Variants in ATPSCKMT observed in about 807,000 individuals in gnomAD.
ATPSCKMT encodes the protein ATP synthase subunit C lysine N-methyltransferase.
Under a neutral mutation model 24.3 loss-of-function variants are expected in ATPSCKMT, and 24 were observed. The ratio of observed to expected loss-of-function variants is 0.99; its 90% CI spans 0.71 to 1.39. The LOEUF (loss-of-function observed/expected upper bound fraction) is 1.39. Among genes scored for constraint, ATPSCKMT ranks in the 40% most tolerant of loss-of-function variants. The pLI, the probability that ATPSCKMT is intolerant of heterozygous loss-of-function variation, is 0.00. For missense variants in ATPSCKMT, 311 were observed against 298.4 expected, an observed-to-expected ratio of 1.04 and a Z score of -0.31; for synonymous variants, 95 against 110.5, an observed-to-expected ratio of 0.86 and a Z score of 0.88.
chr5:10,249,173 G>A (rs189953220), intron 1 of ATPSCKMT, among the ~76,000 whole-genome samples: 256 of 151,396 alleles, frequency 1.7e-3, no homozygotes, highest in Non-Finnish European at 1.5e-3. Context: ...GGAGGCTGAG[G>A]CACGAGAATC....
At chr5:10,234,297 C>T (rs1744279235) in intron 4 of ATPSCKMT, among the ~76,000 whole-genome samples, 1 of 151,992 alleles carries the variant, frequency 6.6e-6, no homozygotes, top group African/African-American at 2.4e-5. Flanking sequence ...CACTGCACTC[C>T]AGCCTGGGCA....
intron 4 of ATPSCKMT, among the ~76,000 whole-genome samples, chr5:10,228,402 C>T (rs2126416370): frequency 6.6e-6 from 1 of 152,154 alleles, no homozygotes; most frequent in East Asian, 1.9e-4. Context: ...TCTTGATAGC[C>T]TAACTTATAC....
At chr5:10,239,870 G>T (rs146059817) in intron 1 of ATPSCKMT, among the ~76,000 whole-genome samples, 1 of 152,052 alleles carries the variant, frequency 6.6e-6, no homozygotes, top group Non-Finnish European at 1.5e-5. Context: ...ACAAAAATCA[G>T]GTTTTACCAA....
At chr5:10,241,223 T>G (rs1331476556) in intron 1 of ATPSCKMT, among the ~76,000 whole-genome samples, 1 of 152,126 alleles carries the variant, frequency 6.6e-6, no homozygotes, top group Non-Finnish European at 1.5e-5. Context: ...TGGCTCCCTC[T>G]TAATTTATAG....
At chr5:10,230,149 A>G (rs1367463930) in intron 4 of ATPSCKMT, among the ~76,000 whole-genome samples, 4 of 152,240 alleles carry the variant, frequency 2.6e-5, no homozygotes, top group Non-Finnish European at 5.9e-5. Flanking sequence ...AAACTTCTAC[A>G]TGACCTACAG....
At chr5:10,236,858 T>C in intron 2 of ATPSCKMT, 4 of 1,459,858 alleles carry the variant, frequency 2.7e-6, no homozygotes, top group Non-Finnish European at 3.6e-6. Context: ...AGAATAGACA[T>C]TCAGGTTCAC....
intron 3 of ATPSCKMT, 32 bp downstream of exon 3, chr5:10,236,446 A>T (rs1233759979): frequency 6.3e-7 from 1 of 1,580,374 alleles, no homozygotes; most frequent in East Asian, 2.3e-5. Context: ...TTTCCCTTGG[A>T]TTTCTCTAGG....
chr5:10,233,069 T>A (rs1744222674), intron 4 of ATPSCKMT, among the ~76,000 whole-genome samples: 1 of 152,170 alleles, frequency 6.6e-6, no homozygotes, highest in Non-Finnish European at 1.5e-5. Flanking sequence ...TTAGGGATCA[T>A]CAGTCTGGTA....
At chr5:10,244,677 C>T (rs1308163758) in intron 1 of ATPSCKMT, among the ~76,000 whole-genome samples, 2 of 151,912 alleles carry the variant, frequency 1.3e-5, no homozygotes, top group South Asian at 2.1e-4. Context: ...TTTGGAAGGC[C>T]GAGGCAGGAG....
At chr5:10,249,677 CGGCGCGG>C in intron 1 of ATPSCKMT, 174 bp downstream of exon 1, 1 of 991,600 alleles carries the variant, frequency 1.0e-6, no homozygotes, top group Non-Finnish European at 1.4e-6. Flanking sequence ...TCGCCAGAAC[CGGCGCGG>C]GCACCGCGCG....
In ATPSCKMT at chr5:10,227,535, A is replaced by T. The variant is rs1029199243; in HGVS notation, c.608T>A (p.Ile203Lys). Residue 203 changes from isoleucine (I) to lysine (K), a missense_variant, in exon 5 of 5, where the codon ATA becomes AAA. Physicochemically the swap from Ile to Lys is moderately radical, Grantham distance 102. Transcript: ENST00000511437. Reference protein sequence around the residue: ...WTPDHVTGEGIDTVWAYDAST... With the variant: ...WTPDHVTGEGKDTVWAYDAST... ...TGCATCATATGCCCACACTGTGTCT[A>T]TCCCCTCCCCCGTGACGTGGTCTGG... The T allele has an allele frequency of 6.2e-7, 1 of 1,614,016 alleles. No individual in the cohort carries two copies. Among genetic ancestry groups the T allele is most frequent in the African/African-American group, 1.3e-5 (1 of 74,898 alleles).
At position 10,230,118 on chromosome 5, in the gene ATPSCKMT, C is replaced by T. The variant is rs1156979644; in HGVS notation, c.496-2471G>A. On this transcript the variant is annotated intron_variant, in intron 4 of 4. Coordinates refer to ENST00000511437, the MANE Select transcript of ATPSCKMT (RefSeq NM_199133.4). ...TGATGGTTTTATTCCTGGCCTATAT[C>T]TTATAACCAAGTGCTCAGAAAAACT... Among the ~76,000 whole-genome samples the T allele has an allele frequency of 4.5e-5, 6 of 133,784 alleles. No homozygotes were observed. In the East Asian group the frequency reaches 1.5e-3, roughly 34 times the overall value. 87.8% of individuals were successfully genotyped at this position (133,784 alleles called of 152,430 possible). A position where few individuals can be genotyped will look rare whatever the true frequency, so the allele number is the denominator to read the frequency against.
rs1340428425 is a variant in ATPSCKMT at position 10,225,663 on chromosome 5, A to G, written c.*1778T>C. On this transcript the variant is annotated 3_prime_UTR_variant, in exon 5 of 5. Transcript: ENST00000511437. ...TTACTCACTATCATGAGAACAGCAC[A>G]GGAAAGACCTGCCCCCATAATTCAA... is the stretch of plus-strand genomic sequence containing the variant. Among the ~76,000 whole-genome samples the G allele has an allele frequency of 6.6e-6, 1 of 152,164 alleles. No individual in the cohort carries two copies. Among genetic ancestry groups the G allele is most frequent in the Non-Finnish European group, 1.5e-5 (1 of 68,020 alleles).
rs201606826 is a variant in ATPSCKMT, at chr5:10,227,561, A to G, written c.582T>C (p.Thr194=). The G allele has an allele frequency of 6.8e-6, 11 of 1,614,186 alleles. No individual in the cohort carries two copies. The highest frequency in any genetic ancestry group is 8.5e-6 in the Non-Finnish European group (10 of 1,180,036). The change falls in exon 5 of 5, where the codon ACT becomes ACC. Residue 194 remains threonine, a synonymous_variant. Coordinates refer to ENST00000511437, the MANE Select transcript of ATPSCKMT (RefSeq NM_199133.4). ...TCCCCTCCCCCGTGACGTGGTCTGG[A>G]GTCCAATGTGGGAAAGGGAACCGGC... ...IACRFPFPHW[T]PDHVTGEGID... is the part of the protein sequence containing the mutation.
intron 2 of ATPSCKMT, 127 bp downstream of exon 2, chr5:10,238,940 C>T: frequency 8.4e-7 from 1 of 1,197,342 alleles, no homozygotes; most frequent in Non-Finnish European, 1.2e-6. Context: ...GTCAAACAAA[C>T]ATAAAATGAA....
intron 3 of ATPSCKMT, 133 bp from the exon 4 acceptor site, chr5:10,235,394 C>T (rs575240152): frequency 1.3e-5 from 9 of 694,040 alleles, no homozygotes; most frequent in South Asian, 3.4e-5. Flanking sequence ...CTAAGAACAG[C>T]GGCCCTCCTT....
intron 1 of ATPSCKMT, among the ~76,000 whole-genome samples, chr5:10,245,899 G>A (rs181268808): frequency 7.2e-5 from 11 of 152,290 alleles, no homozygotes; most frequent in African/African-American, 1.4e-4. Context: ...TATGCAAGGA[G>A]GGGCTCAATT....
chr5:10,241,099 G>C (rs145789022), intron 1 of ATPSCKMT, among the ~76,000 whole-genome samples: 1,714 of 151,976 alleles, frequency 0.011, 14 homozygotes, highest in Middle Eastern at 0.021. Flanking sequence ...GGGGGCCCTC[G>C]GGCAGGTTTT....
chr5:10,230,225 T>C lies in ATPSCKMT; in HGVS notation c.496-2578A>G, dbSNP rs377399830. On this transcript the variant is annotated intron_variant, in intron 4 of 4. Transcript: ENST00000511437. ...CGAAGATAACACAGAATAAATTCTA[T>C]TAAGGATGGAGGAATTTCTATTCTT... 3.3e-5 allele frequency among the ~76,000 whole-genome samples: 5 copies of C among 152,046 alleles called. No homozygotes were observed. The East Asian group carries it at 7.8e-4, about 24-fold the overall frequency.
Sources: gnomAD v4.1 joint callset for allele counts (sites outside exome capture counted in the v4.1 genomes callset) on GRCh38, gnomAD v4.1.1 for gene constraint, MANE v1.5 for transcripts, NCBI Gene and HGNC (gene_info 2026-07-23, HGNC 2026-07-21) for gene names.